Variants in TRIP11 observed in about 807,000 individuals in gnomAD.
The protein encoded by TRIP11 is thyroid hormone receptor interactor 11, also known as thyroid receptor-interacting protein 11.
Under a neutral mutation model 223.1 loss-of-function variants are expected in TRIP11, and 148 were observed. The observed-to-expected ratio is 0.66, with a 90% confidence interval of 0.58 to 0.76. The LOEUF is 0.76. TRIP11 is among the 30% of genes least tolerant of loss of function. The pLI is 0.00. For missense variants in TRIP11, 2,043 were observed against 2,222.0 expected (o/e 0.92, Z 1.62); for synonymous variants, 762 against 772.6 (o/e 0.99, Z 0.23).
chr14:91,972,519 A>C (rs1187181276), intron 20 of TRIP11, among the ~76,000 whole-genome samples, 198 bp downstream of exon 20: 6 of 152,262 alleles, frequency 3.9e-5, no homozygotes, highest in Admixed American at 3.9e-4. Flanking sequence ...AGTCAATTAA[A>C]TATCAGATTG....
At chr14:92,033,747 T>C (rs541942681) in intron 1 of TRIP11, among the ~76,000 whole-genome samples, 145 of 152,334 alleles carry the variant, frequency 9.5e-4, no homozygotes, top group African/African-American at 3.4e-3. Context: ...AGGCACACTC[T>C]TTTCCAGACT....
rs1410406272 is a variant in TRIP11 at position 92,004,857 on chromosome 14, ATATTCT to A, written c.3113_3118del (p.Lys1038_Asn1039del). 6.2e-6 allele frequency: 10 copies of A among 1,613,876 alleles called. No individual in the cohort carries two copies. The highest frequency in any genetic ancestry group is 8.5e-6 in the Non-Finnish European group (10 of 1,179,978). On this transcript the variant is annotated inframe_deletion, in exon 11 of 21. Coordinates refer to ENST00000267622, the MANE Select transcript of TRIP11 (RefSeq NM_004239.4). The stretch of plus-strand genomic sequence containing the variant: ...CTGATCAATCTGTTTAGTTAAAGAT[ATATTCT>A]TTTCATTTAGAAGTTTAATCTCCAG...
At position 92,025,356 on chromosome 14, in the gene TRIP11, A is replaced by G. The variant is rs758154342; in HGVS notation, c.266T>C (p.Ile89Thr). ...EEKHEASEIQ[I>T]KQQSTSYRNQ... ...TCGGTAACTTGTAGATTGCTGCTTT[A>G]TTTGAATCTCTGATGCTTCATGTTT... The change falls in exon 3 of 21, where the codon ATA becomes ACA. Residue 89 changes from isoleucine to threonine, a missense_variant. Ile to Thr is a moderately conservative substitution (Grantham distance 89). Coordinates refer to ENST00000267622, the MANE Select transcript of TRIP11 (RefSeq NM_004239.4). 1 of 1,613,628 alleles carries G rather than the reference A, an allele frequency of 6.2e-7. No individual in the cohort carries two copies. Among genetic ancestry groups the G allele is most frequent in the South Asian group, 1.1e-5 (1 of 91,080 alleles).
Position 92,010,983 on chromosome 14 carries a change from C to A in TRIP11, c.1314+3G>T, listed in dbSNP as rs1267300857. The A allele has an allele frequency of 6.2e-7, 1 of 1,613,804 alleles. No homozygotes were observed. The highest frequency in any genetic ancestry group is 2.2e-5 in the East Asian group (1 of 44,844). On this transcript the variant is annotated splice_donor_region_variant and intron_variant, in intron 9 of 20. Coordinates refer to ENST00000267622, the MANE Select transcript of TRIP11 (RefSeq NM_004239.4). Reference sequence around the variant, plus strand: ...ATTCTGCCCCCATTTTTACAGCACCCACCTTTTCTTGACTCAGTAATGACT... The same window carrying A: ...ATTCTGCCCCCATTTTTACAGCACCAACCTTTTCTTGACTCAGTAATGACT...
At chr14:91,988,762 CTT>C (rs2056637671) in intron 15 of TRIP11, among the ~76,000 whole-genome samples, 1 of 151,790 alleles carries the variant, frequency 6.6e-6, no homozygotes, top group South Asian at 2.1e-4. Context: ...TTGATTATGA[CTT>C]TGTTACTTTA....
chr14:92,013,925 T>A (rs2057004403), intron 7 of TRIP11, among the ~76,000 whole-genome samples: 1 of 152,164 alleles, frequency 6.6e-6, no homozygotes, highest in Admixed American at 6.5e-5. Flanking sequence ...TTCAAACAGG[T>A]AACAACTGAC....
intron 16 of TRIP11, among the ~76,000 whole-genome samples, chr14:91,979,273 AGAG>A (rs1357563863): frequency 8.7e-5 from 12 of 138,008 alleles, no homozygotes; most frequent in Non-Finnish European, 1.7e-4. Flanking sequence ...AAAAAAAAAA[AGAG>A]AGAGAGAGAG....
intron 11 of TRIP11, among the ~76,000 whole-genome samples, chr14:92,002,693 C>T (rs989625269): frequency 6.6e-6 from 1 of 151,896 alleles, no homozygotes; most frequent in African/African-American, 2.4e-5. Context: ...TCTCCTGCCT[C>T]AGCCTCCCAA....
chr14:91,983,821 TTA>T (rs2056572271), intron 16 of TRIP11, among the ~76,000 whole-genome samples: 2 of 152,218 alleles, frequency 1.3e-5, no homozygotes, highest in Non-Finnish European at 2.9e-5. Context: ...CAACAGGACA[TTA>T]TATGTTTTCT....
chr14:92,024,370 C>CA (rs61209764), intron 3 of TRIP11, among the ~76,000 whole-genome samples: 36,127 of 106,388 alleles, frequency 0.34, 4,612 homozygotes, highest in East Asian at 0.43. Context: ...GACTCTGTCT[C>CA]AAAAAAAAAA....
intron 2 of TRIP11, among the ~76,000 whole-genome samples, chr14:92,032,729 G>A (rs1047038383): frequency 2.0e-5 from 3 of 151,572 alleles, no homozygotes; most frequent in Admixed American, 6.6e-5. Flanking sequence ...GCTACTCGGG[G>A]GGCTGAGGCA....
chr14:91,995,906 G>A (rs888721381), intron 13 of TRIP11, among the ~76,000 whole-genome samples: 24 of 146,178 alleles, frequency 1.6e-4, no homozygotes, highest in Non-Finnish European at 2.7e-4. Flanking sequence ...ATGAGCCACC[G>A]CCCCTGGCCT....
intron 17 of TRIP11, 148 bp downstream of exon 17, chr14:91,975,960 T>C: frequency 1.5e-6 from 1 of 665,882 alleles, no homozygotes. Context: ...GACTCCTCAT[T>C]AAAGCTGCAT....
At chr14:92,021,451 T>C (rs1215139157) in intron 4 of TRIP11, 105 bp downstream of exon 4, 3 of 1,099,134 alleles carry the variant, frequency 2.7e-6, no homozygotes, top group East Asian at 4.8e-5. Flanking sequence ...TTCTATTTCC[T>C]AGTCCAGGGT....
intron 3 of TRIP11, 111 bp downstream of exon 3, chr14:92,025,199 C>T (rs2057165893): frequency 1.2e-6 from 1 of 816,688 alleles, no homozygotes; most frequent in East Asian, 2.7e-5. Context: ...AATTCATCAC[C>T]TTTTCATATT....
chr14:91,990,362 T>G (rs1350458440), intron 15 of TRIP11, among the ~76,000 whole-genome samples: 2 of 152,254 alleles, frequency 1.3e-5, no homozygotes, highest in East Asian at 3.8e-4. Flanking sequence ...GATTTTGTTA[T>G]TCTTTCTACC....
At chr14:92,007,561 A>G (rs748908969) in intron 10 of TRIP11, 79 bp downstream of exon 10, 6 of 1,475,912 alleles carry the variant, frequency 4.1e-6, no homozygotes, top group Non-Finnish European at 5.7e-6. Context: ...CTAAAATATT[A>G]ATTAAATCAC....
intron 2 of TRIP11, among the ~76,000 whole-genome samples, chr14:92,028,902 CT>C (rs2057223579): frequency 6.6e-6 from 1 of 152,068 alleles, no homozygotes; most frequent in Admixed American, 6.5e-5. Flanking sequence ...AACTTAATTT[CT>C]TTTTTAGGCA....
Position 92,017,579 on chromosome 14 carries a change from G to A in TRIP11, c.657+103C>T. On this transcript the variant is annotated intron_variant, in intron 5 of 20. Coordinates refer to ENST00000267622, the MANE Select transcript of TRIP11 (RefSeq NM_004239.4). ...AAAGAAGTACCATAATCTATATAAT[G>A]ATAATGACTTTTATAACTGAGACTT... The A allele has an allele frequency of 4.6e-6, 4 of 873,990 alleles. No homozygotes were observed. The South Asian group carries it at 5.9e-5, about 13-fold the overall frequency. The allele number at this position is 873,990 out of a possible 1,614,324, so 54.1% of individuals were successfully genotyped here.
Sources: allele counts gnomAD v4.1 joint callset (sites outside exome capture counted in the v4.1 genomes callset), GRCh38; gene constraint gnomAD v4.1.1; transcripts MANE v1.5; gene names NCBI Gene and HGNC (gene_info 2026-07-23, HGNC 2026-07-21).